RUFY4: variants seen among roughly 807,000 people sequenced by gnomAD.
The protein encoded by RUFY4 is RUN and FYVE domain containing 4.
RUFY4 carries 73 observed loss-of-function variants against 69.0 expected under a neutral mutation model. That is an observed-to-expected ratio of 1.06 (90% CI 0.88 to 1.29). The LOEUF (loss-of-function observed/expected upper bound fraction) is 1.29. Ranked by LOEUF, RUFY4 falls within the 50% of genes most tolerant of loss-of-function variation. RUFY4 has a pLI of 0.00. For synonymous variants in RUFY4, 287 were observed against 271.8 expected (o/e 1.06, Z -0.55); for missense variants, 770 against 705.6 (o/e 1.09, Z -1.03).
At chr2:218,070,889 C>T (rs772306384) in intron 2 of RUFY4, 30 bp downstream of exon 4, 1 of 1,490,878 alleles carries the variant, frequency 6.7e-7, no homozygotes, top group Non-Finnish European at 9.0e-7. Context: ...TTCCCCATCC[C>T]TCTCCCCAGA....
intron 2 of RUFY4, among the ~76,000 whole-genome samples, chr2:218,057,869 G>T (rs1339579757): frequency 6.6e-6 from 1 of 152,164 alleles, no homozygotes; most frequent in Non-Finnish European, 1.5e-5. Context: ...AGTATTCCAT[G>T]GTGTGGCTGC....
At chr2:218,085,245 T>C (rs1041908462) in intron 9 of RUFY4, among the ~76,000 whole-genome samples, 2 of 152,094 alleles carry the variant, frequency 1.3e-5, no homozygotes, top group Admixed American at 6.6e-5. Context: ...TCAGCACTAG[T>C]TTCCCAGTGC....
intron 6 of RUFY4, 131 bp from the exon 9 acceptor site, chr2:218,074,962 G>A: frequency 1.0e-6 from 1 of 1,000,248 alleles, no homozygotes; most frequent in Non-Finnish European, 1.4e-6. Flanking sequence ...ATAAATCAAA[G>A]CTTCCAGTGA....
upstream of RUFY4, among the ~76,000 whole-genome samples, chr2:218,066,177 C>A (rs73082359): frequency 6.7e-5 from 5 of 74,456 alleles, no homozygotes; most frequent in Non-Finnish European, 9.4e-5. Flanking sequence ...CTTTTCTTTT[C>A]TTTTTTTTTT....
At chr2:218,075,572 G>C in exon 7 of RUFY4, 3 of 1,527,750 alleles carry the variant, frequency 2.0e-6, no homozygotes, top group Non-Finnish European at 2.6e-6. Context: ...CAGTATCAGG[G>C]AGCAGGCAGG....
At chr2:218,040,844 T>C (rs1959051441) in intron 2 of RUFY4, among the ~76,000 whole-genome samples, 1 of 152,046 alleles carries the variant, frequency 6.6e-6, no homozygotes, top group Non-Finnish European at 1.5e-5. Context: ...GATTTGCAGA[T>C]GAGAAGACTG....
chr2:218,056,457 G>A (rs901488965), intron 2 of RUFY4, among the ~76,000 whole-genome samples: 3 of 152,012 alleles, frequency 2.0e-5, no homozygotes, highest in Non-Finnish European at 4.4e-5. Context: ...TGTGGCCCGG[G>A]TCCCTGACAC....
chr2:218,043,830 G>C (rs901310172), intron 2 of RUFY4, among the ~76,000 whole-genome samples: 1 of 152,194 alleles, frequency 6.6e-6, no homozygotes, highest in African/African-American at 2.4e-5. Context: ...ATGGCATCCA[G>C]GCTGCTCAGA....
At chr2:218,041,792 T>C (rs934679948) in intron 2 of RUFY4, among the ~76,000 whole-genome samples, 1 of 152,220 alleles carries the variant, frequency 6.6e-6, no homozygotes, top group Non-Finnish European at 1.5e-5. Context: ...AATTTGTAAG[T>C]CCTGCCTGGT....
At chr2:218,072,644 A>AGGAGG in intron 3 of RUFY4, 135 bp from the exon 6 acceptor site, 1 of 1,332,400 alleles carries the variant, frequency 7.5e-7, no homozygotes, top group Non-Finnish European at 1.0e-6. Context: ...CCCTCCAGAC[A>AGGAGG]CCCTTTTCCT....
At chr2:218,044,174 G>A (rs1001762624) in intron 2 of RUFY4, among the ~76,000 whole-genome samples, 8 of 152,144 alleles carry the variant, frequency 5.3e-5, no homozygotes, top group African/African-American at 1.9e-4. Flanking sequence ...AGCTGCTGTG[G>A]CACCCAGGGG....
rs546570148 is a variant in RUFY4 at position 218,057,121 on chromosome 2, G to A, written c.-1157-1474G>A. On this transcript the variant is annotated intron_variant and NMD_transcript_variant, in intron 2 of 13. Coordinates refer to the RUFY4 transcript ENST00000457754. ...AGAGAGAGAAGACTAGTTTTACCCA[G>A]CGCTGTCCTATCTATCAGAGCTTGT... 7.3e-5 allele frequency among the ~76,000 whole-genome samples: 11 copies of A among 151,080 alleles called. No homozygotes were observed. The East Asian group carries it at 1.9e-3, about 27-fold the overall frequency.
upstream of RUFY4, among the ~76,000 whole-genome samples, chr2:218,066,140 T>A (rs1226111346): frequency 6.7e-6 from 1 of 150,310 alleles, no homozygotes; most frequent in Non-Finnish European, 1.5e-5. Context: ...ATGATGATGA[T>A]GATGATAACA....
intron 3 of RUFY4, among the ~76,000 whole-genome samples, chr2:218,063,929 C>T (rs761754000): frequency 3.3e-5 from 5 of 152,160 alleles, no homozygotes; most frequent in Non-Finnish European, 7.3e-5. Flanking sequence ...CCTTTCTGAC[C>T]CCTCTTGATA....
intron 10 of RUFY4, chr2:218,089,637 G>C (rs1468617609): frequency 1.4e-6 from 1 of 697,712 alleles, no homozygotes; most frequent in South Asian, 1.5e-5. Flanking sequence ...ATCTGGAAGG[G>C]AGCATCTGTA....
Position 218,060,747 on chromosome 2 carries a change from C to CA in RUFY4, c.-1071+2066_-1071+2067insA, listed in dbSNP as rs746245681. 28 of 1,475,600 alleles carry CA rather than the reference C, an allele frequency of 1.9e-5. No individual in the cohort carries two copies. The South Asian group carries it at 2.7e-4, about 14-fold the overall frequency. 91.4% of individuals were successfully genotyped at this position (1,475,600 alleles called of 1,614,324 possible). On this transcript the variant is annotated intron_variant and NMD_transcript_variant, in intron 3 of 13. Transcript: ENST00000457754. ...TGAATCTGTAGCAGAACAGCATGAT[C>CA]GCAGCGGCACGATGAAGCCAAAGGA...
chr2:218,071,997 C>G (rs1287405378), intron 2 of RUFY4, among the ~76,000 whole-genome samples: 1 of 152,198 alleles, frequency 6.6e-6, no homozygotes, highest in African/African-American at 2.4e-5. Context: ...AATGAGTACC[C>G]AGGCAAGGCT....
intron 2 of RUFY4, among the ~76,000 whole-genome samples, chr2:218,071,815 C>T (rs576986410): frequency 6.6e-6 from 1 of 152,278 alleles, no homozygotes; most frequent in South Asian, 2.1e-4. Flanking sequence ...GGATGAGATC[C>T]CCCTGGAGAG....
At chr2:218,053,035 G>A (rs1213531948) in intron 2 of RUFY4, among the ~76,000 whole-genome samples, 2 of 152,092 alleles carry the variant, frequency 1.3e-5, no homozygotes, top group Non-Finnish European at 2.9e-5. Context: ...TCACAGCTCA[G>A]TGCAGCCTTA....
Sources: gnomAD v4.1 joint callset for allele counts (sites outside exome capture counted in the v4.1 genomes callset) on GRCh38, gnomAD v4.1.1 for gene constraint, MANE v1.5 for transcripts, NCBI Gene and HGNC (gene_info 2026-07-23, HGNC 2026-07-21) for gene names.